The following NME7 variants were observed in gnomAD, a reference collection of about 807,000 sequenced individuals.
NME7 encodes the protein NME/NM23 family member 7.
In NME7, 41 loss-of-function variants were observed where a neutral mutation model predicts 49.1. That is an observed-to-expected ratio of 0.83 (90% CI 0.65 to 1.08). The LOEUF is 1.08. Among genes scored for constraint, NME7 ranks in the 50% least tolerant of loss-of-function variants. NME7 has a pLI of 0.00. For missense variants in NME7, 423 were observed against 463.4 expected (o/e 0.91, Z 0.80); for synonymous variants, 139 against 150.6 (o/e 0.92, Z 0.56).
At chr1:169,190,600 T>C (rs1028618081) in intron 10 of NME7, 2 of 425,504 alleles carry the variant, frequency 4.7e-6, no homozygotes, top group Non-Finnish European at 9.3e-6. Context: ...GAAAGTGTTA[T>C]TTTTATAACT....
chr1:169,251,556 T>TC (rs1347053590), intron 7 of NME7, among the ~76,000 whole-genome samples: 2 of 127,364 alleles, frequency 1.6e-5, no homozygotes, highest in African/African-American at 5.2e-5. Flanking sequence ...TCTTTTTTTT[T>TC]TTTTCTTTTT....
chr1:169,174,507 A>G (rs947078321), intron 10 of NME7, among the ~76,000 whole-genome samples: 1 of 152,216 alleles, frequency 6.6e-6, no homozygotes, highest in Non-Finnish European at 1.5e-5. Context: ...GCATTGCTTA[A>G]CAACAGAGAT....
At chr1:169,308,053 A>T (rs1651245763) in intron 4 of NME7, among the ~76,000 whole-genome samples, 1 of 151,998 alleles carries the variant, frequency 6.6e-6, no homozygotes, top group South Asian at 2.1e-4. Context: ...TTTGCAAATG[A>T]AGAAATAAAC....
chr1:169,354,006 AACT>A (rs975109587), intron 1 of NME7, among the ~76,000 whole-genome samples: 3 of 152,134 alleles, frequency 2.0e-5, no homozygotes, highest in African/African-American at 7.2e-5. Context: ...TTCTTCAAAA[AACT>A]AAAAATAGAG....
chr1:169,213,429 G>T (rs2101796696), intron 10 of NME7, among the ~76,000 whole-genome samples: 1 of 152,116 alleles, frequency 6.6e-6, no homozygotes, highest in East Asian at 1.9e-4. Flanking sequence ...CCACATGGTT[G>T]CCAATGCTGG....
chr1:169,295,452 T>C lies in NME7; in HGVS notation c.648+3104A>G, dbSNP rs192549182. ...AGCCTCAATTATTTCCTTCATTAAT[T>C]AGATATGTTTATTATTTTTATAATG... is the stretch of plus-strand genomic sequence containing the variant. On this transcript the variant is annotated intron_variant, in intron 6 of 11. Transcript: ENST00000367811. Among the ~76,000 whole-genome samples, 6 of 152,316 alleles carry C rather than the reference T, an allele frequency of 3.9e-5. No individual in the cohort carries two copies. In the East Asian group the frequency reaches 1.2e-3, roughly 29 times the overall value.
chr1:169,161,518 G>T (rs929154300), intron 11 of NME7, among the ~76,000 whole-genome samples: 1 of 152,154 alleles, frequency 6.6e-6, no homozygotes, highest in Non-Finnish European at 1.5e-5. Flanking sequence ...ACCAGAATAA[G>T]AATCCATGCA....
intron 1 of NME7, among the ~76,000 whole-genome samples, chr1:169,325,592 TA>T (rs1652031240): frequency 6.6e-6 from 1 of 152,026 alleles, no homozygotes; most frequent in African/African-American, 2.4e-5. Flanking sequence ...AATAAGCAAA[TA>T]AAAGCATAGG....
intron 1 of NME7, among the ~76,000 whole-genome samples, chr1:169,353,176 G>C (rs1653243843): frequency 6.6e-6 from 1 of 151,996 alleles, no homozygotes. Flanking sequence ...AAAACAGCGT[G>C]GTACTGGCAT....
chr1:169,202,472 CT>C (rs1660577388), intron 10 of NME7, among the ~76,000 whole-genome samples: 1 of 152,134 alleles, frequency 6.6e-6, no homozygotes, highest in Admixed American at 6.5e-5. Flanking sequence ...AATTAAATCT[CT>C]TATTTATAAA....
chr1:169,157,209 G>C (rs1659103654), intron 11 of NME7, among the ~76,000 whole-genome samples: 3 of 152,134 alleles, frequency 2.0e-5, no homozygotes, highest in African/African-American at 7.2e-5. Context: ...GAGAGGGTAT[G>C]GAGGTGCACT....
intron 1 of NME7, 87 bp from the exon 2 acceptor site, chr1:169,324,587 T>A: frequency 1.3e-6 from 1 of 780,496 alleles, no homozygotes; most frequent in Non-Finnish European, 2.1e-6. Flanking sequence ...ATTACCAATA[T>A]GCAAGAAACA....
In NME7 at chr1:169,277,720, C is replaced by G. The variant is rs1195677841; in HGVS notation, c.754+9583G>C. Among the ~76,000 whole-genome samples, 869 of 96,038 alleles carry G rather than the reference C, an allele frequency of 9.0e-3. 13 individuals are homozygous for G. Among genetic ancestry groups the G allele is most frequent in the African/African-American group, 0.03 (827 of 27,306 alleles). 63.0% of individuals were successfully genotyped at this position (96,038 alleles called of 152,430 possible). ...TAATATTGTTATATGTGAATTTGAT[C>G]CTGTCATTATGATGTTAGCTGGTTA... is the stretch of plus-strand genomic sequence containing the variant. On this transcript the variant is annotated intron_variant, in intron 7 of 11. Coordinates refer to ENST00000367811, the MANE Select transcript of NME7 (RefSeq NM_013330.5).
At chr1:169,290,319 A>G (rs1173427248) in intron 6 of NME7, among the ~76,000 whole-genome samples, 1 of 152,138 alleles carries the variant, frequency 6.6e-6, no homozygotes, top group African/African-American at 2.4e-5. Context: ...TTAAAACAGT[A>G]TAGATCAATG....
intron 6 of NME7, among the ~76,000 whole-genome samples, chr1:169,297,102 T>C (rs1650740951): frequency 6.6e-6 from 1 of 151,878 alleles, no homozygotes; most frequent in Non-Finnish European, 1.5e-5. Flanking sequence ...GCCTCTGGAG[T>C]AGCTGGGATT....
rs114445847 is a variant in NME7 at position 169,251,470 on chromosome 1, T to A, written c.755-13783A>T. On this transcript the variant is annotated intron_variant, in intron 7 of 11. Coordinates refer to ENST00000367811, the MANE Select transcript of NME7 (RefSeq NM_013330.5). ...CATTTAAGTGGAGAATTTAAGCAAT[T>A]TATATCCAATGTTAATATTGAGATG... Among the ~76,000 whole-genome samples the A allele has an allele frequency of 2.0e-3, 301 of 152,036 alleles. 4 individuals are homozygous for A. Among genetic ancestry groups the A allele is most frequent in the African/African-American group, 7.0e-3 (292 of 41,520 alleles).
Position 169,206,074 on chromosome 1 carries a change from C to T in NME7, c.990+24644G>A, listed in dbSNP as rs568283056. ...TCCATTCTACTTAAAAACTATAAAT[C>T]CCTCCCTTTTCTGGAAAACCCTATT... On this transcript the variant is annotated intron_variant, in intron 10 of 11. Transcript: ENST00000367811. 1.3e-4 allele frequency among the ~76,000 whole-genome samples: 20 copies of T among 152,096 alleles called. No homozygotes were observed. In the South Asian group the frequency reaches 4.2e-3, roughly 32 times the overall value.
chr1:169,240,556 CT>C (rs915632054), intron 7 of NME7, among the ~76,000 whole-genome samples: 11 of 151,682 alleles, frequency 7.3e-5, no homozygotes, highest in Non-Finnish European at 1.3e-4. Context: ...TATCAATAAA[CT>C]TTTTTTTACC....
At chr1:169,298,913 C>A (rs1558028975) in intron 5 of NME7, 150 bp from the exon 6 acceptor site, 2 of 724,194 alleles carry the variant, frequency 2.8e-6, no homozygotes. Flanking sequence ...TTTACATGGG[C>A]AGGAGAAATT....
Sources: allele counts gnomAD v4.1 joint callset (sites outside exome capture counted in the v4.1 genomes callset), GRCh38; gene constraint gnomAD v4.1.1; transcripts MANE v1.5; gene names NCBI Gene and HGNC (gene_info 2026-07-23, HGNC 2026-07-21).